Variants in NDST1 observed in about 807,000 individuals in gnomAD.
The protein encoded by NDST1 is bifunctional heparan sulfate N-deacetylase/N-sulfotransferase 1.
In NDST1, 35 loss-of-function variants were observed where a neutral mutation model predicts 92.8. The ratio of observed to expected loss-of-function variants is 0.38; its 90% CI spans 0.29 to 0.50. The LOEUF is 0.50. NDST1 is among the 20% of genes least tolerant of loss of function. The pLI, the probability that NDST1 is intolerant of heterozygous loss-of-function variation, is 0.94. For synonymous variants in NDST1, 493 were observed against 500.3 expected (o/e 0.99, Z 0.19); for missense variants, 822 against 1,182.7 (o/e 0.69, Z 4.47).
In NDST1 at chr5:150,521,975, G is replaced by A. The variant is rs1561594778; in HGVS notation, c.513+208G>A. Among the ~76,000 whole-genome samples, 1 of 152,186 alleles carries A rather than the reference G, an allele frequency of 6.6e-6. No individual in the cohort carries two copies. The highest frequency in any genetic ancestry group is 1.5e-5 in the Non-Finnish European group (1 of 68,028). On this transcript the variant is annotated intron_variant, in intron 2 of 14. Transcript: ENST00000261797. The surrounding 1 kb of genome is among the most constrained non-coding windows in gnomAD (Gnocchi z 5.9). ...GTAAGTATTAGGGGAGCGTGCCAGGGGGATCGCCTGCTGTGCGTGGGGTCC... is the reference window on the plus strand; with the variant it reads ...GTAAGTATTAGGGGAGCGTGCCAGGAGGATCGCCTGCTGTGCGTGGGGTCC...
At chr5:150,540,520 TAAAA>T (rs1286293182) in intron 8 of NDST1, among the ~76,000 whole-genome samples, 1 of 151,870 alleles carries the variant, frequency 6.6e-6, no homozygotes, top group East Asian at 1.9e-4. Flanking sequence ...AAAACAGTGT[TAAAA>T]AAACGAGTGG....
intron 1 of NDST1, among the ~76,000 whole-genome samples, chr5:150,519,363 A>G (rs1340775983): frequency 1.3e-5 from 2 of 151,800 alleles, no homozygotes; most frequent in East Asian, 1.9e-4. Flanking sequence ...TACACCTTCC[A>G]TCTAGACCTG....
chr5:150,513,445 C>T (rs1046370586), intron 1 of NDST1, among the ~76,000 whole-genome samples: 17 of 152,116 alleles, frequency 1.1e-4, no homozygotes, highest in African/African-American at 1.7e-4. Context: ...CTGGAGTGAT[C>T]CTGGGCAACA....
At chr5:150,552,500 G>T (rs1388183648) in intron 14 of NDST1, 10 of 166,290 alleles carry the variant, frequency 6.0e-5, no homozygotes, top group Admixed American at 5.6e-4. Flanking sequence ...GTTTTGTTTT[G>T]TTTTTGAGAC....
At chr5:150,516,859 T>A (rs899301877) in intron 1 of NDST1, among the ~76,000 whole-genome samples, 2 of 151,950 alleles carry the variant, frequency 1.3e-5, no homozygotes, top group African/African-American at 4.8e-5. Context: ...GGAGATGGGG[T>A]TTCACCATGT....
upstream of NDST1, among the ~76,000 whole-genome samples, chr5:150,506,554 C>T (rs17799643): frequency 0.19 from 28,261 of 152,096 alleles, 3,099 homozygotes; most frequent in Admixed American, 0.3. Flanking sequence ...TTTAGAGTCT[C>T]GCTGAGGCCT....
rs184418682 is a variant in NDST1 at position 150,525,169 on chromosome 5, C to T, written c.514-2635C>T. On this transcript the variant is annotated intron_variant, in intron 2 of 14. Coordinates refer to ENST00000261797, the MANE Select transcript of NDST1 (RefSeq NM_001543.5). ...TGGTGAGGAGCAAGAGGGATTTCCA[C>T]TGCTGTGGGGTGAGGCCTGCAGTGA... 1.3e-3 allele frequency among the ~76,000 whole-genome samples: 198 copies of T among 152,292 alleles called. 2 individuals carry two copies. The highest frequency in any genetic ancestry group is 4.4e-3 in the African/African-American group (181 of 41,566).
At chr5:150,503,315 A>G (rs1753312169), upstream of NDST1, among the ~76,000 whole-genome samples, 1 of 152,074 alleles carries the variant, frequency 6.6e-6, no homozygotes, top group Non-Finnish European at 1.5e-5. Flanking sequence ...GGTGGCACAC[A>G]CCTATAATCC....
chr5:150,539,306 G>T lies in NDST1; in HGVS notation c.1516G>T (p.Asp506Tyr). 6.2e-7 allele frequency: 1 copy of T among 1,614,160 alleles called. No individual in the cohort carries two copies. The highest frequency in any genetic ancestry group is 8.5e-7 in the Non-Finnish European group (1 of 1,180,048). ...NEYPGGSSEL[D>Y]KIINGGELFL... ...GTACCCTGGCGGCTCCAGTGAGCTGGACAAGATCATCAACGGGGGCGAGCT... is the reference window on the plus strand; with the variant it reads ...GTACCCTGGCGGCTCCAGTGAGCTGTACAAGATCATCAACGGGGGCGAGCT... Residue 506 changes from aspartate (D) to tyrosine (Y), a missense_variant, in exon 7 of 15, where the codon GAC becomes TAC. Coordinates refer to ENST00000261797, the MANE Select transcript of NDST1 (RefSeq NM_001543.5).
At chr5:150,530,845 C>T (rs909062238) in intron 3 of NDST1, among the ~76,000 whole-genome samples, 5 of 152,154 alleles carry the variant, frequency 3.3e-5, no homozygotes, top group African/African-American at 1.2e-4. Flanking sequence ...TGAGCATGAG[C>T]CACCGCACCT....
At chr5:150,499,971 C>A (rs1753159638) in intron 1 of NDST1, among the ~76,000 whole-genome samples, 1 of 152,196 alleles carries the variant, frequency 6.6e-6, no homozygotes, top group South Asian at 2.1e-4. Flanking sequence ...GTTTACTGGC[C>A]TGGGCTTCTT....
rs1213553991 is a variant in NDST1, at chr5:150,521,135, G to A, written c.-120G>A. The A allele has an allele frequency of 3.8e-5, 35 of 925,184 alleles. No individual in the cohort carries two copies. The highest frequency in any genetic ancestry group is 7.6e-5 in the East Asian group (3 of 39,508). 57.3% of individuals were successfully genotyped at this position (925,184 alleles called of 1,614,324 possible). ...ACTCCCAGTGCCCCACAAGGGCGTC[G>A]CTTCCTAAGTCTCTGTGAATTTGTT... is the stretch of plus-strand genomic sequence containing the variant. On this transcript the variant is annotated 5_prime_UTR_variant, in exon 2 of 15. Coordinates refer to ENST00000261797, the MANE Select transcript of NDST1 (RefSeq NM_001543.5). The surrounding 1 kb of genome is among the most constrained non-coding windows in gnomAD (Gnocchi z 5.9).
Position 150,555,334 on chromosome 5 carries a change from C to T in NDST1, c.*2002C>T, listed in dbSNP as rs934761018. ...GTGTTCTCCCTCGAGGGGTCCTTCC[C>T]CAGCCTGTGGGGGCCTGGGTCTGTT... is the stretch of plus-strand genomic sequence containing the variant. On this transcript the variant is annotated 3_prime_UTR_variant, in exon 15 of 15. Coordinates refer to ENST00000261797, the MANE Select transcript of NDST1 (RefSeq NM_001543.5). 6.5e-6 allele frequency: 1 copy of T among 152,810 alleles called. No homozygotes were observed. 9.5% of individuals were successfully genotyped at this position (152,810 alleles called of 1,614,324 possible). A position where few individuals can be genotyped will look rare whatever the true frequency, so the allele number is the denominator to read the frequency against.
At chr5:150,544,413 A>T (rs939342597) in intron 10 of NDST1, among the ~76,000 whole-genome samples, 7 of 152,232 alleles carry the variant, frequency 4.6e-5, no homozygotes, top group Admixed American at 6.5e-5. Flanking sequence ...CATGCAAAGA[A>T]AATTCAGAAA....
chr5:150,513,186 C>T (rs1753800546), intron 1 of NDST1, among the ~76,000 whole-genome samples: 1 of 152,084 alleles, frequency 6.6e-6, no homozygotes, highest in Non-Finnish European at 1.5e-5. Flanking sequence ...CAGAGAAAGA[C>T]ACTGTCTCAA....
At chr5:150,535,654 G>GGGAA (rs1480970531) in intron 5 of NDST1, 46 bp from the exon 6 acceptor site, 1 of 1,608,792 alleles carries the variant, frequency 6.2e-7, no homozygotes, top group Non-Finnish European at 8.5e-7. Context: ...AGGCCCAAAG[G>GGGAA]GGAAGGACCC....
intron 2 of NDST1, among the ~76,000 whole-genome samples, chr5:150,522,780 G>C (rs1017385061): frequency 2.0e-5 from 3 of 152,194 alleles, no homozygotes; most frequent in African/African-American, 4.8e-5. Flanking sequence ...AGAGGGTAGT[G>C]GGGGTGGGAG....
chr5:150,502,987 G>A (rs1753299500), intron 1 of NDST1, among the ~76,000 whole-genome samples: 1 of 152,126 alleles, frequency 6.6e-6, no homozygotes, highest in African/African-American at 2.4e-5. Context: ...CTGGGCTTGG[G>A]GTCAGGCAGG....
intron 1 of NDST1, among the ~76,000 whole-genome samples, chr5:150,515,804 C>T (rs1010251388): frequency 2.0e-5 from 3 of 152,144 alleles, no homozygotes; most frequent in Non-Finnish European, 4.4e-5. Flanking sequence ...CAGTTACTTA[C>T]CTCTTGAGCC....
Sources: allele counts gnomAD v4.1 joint callset (sites outside exome capture counted in the v4.1 genomes callset), GRCh38; gene constraint gnomAD v4.1.1; non-coding constraint Gnocchi (gnomAD v3.1); transcripts MANE v1.5; gene names NCBI Gene and HGNC (gene_info 2026-07-23, HGNC 2026-07-21).